The following AP5Z1 variants were observed in gnomAD, a reference collection of about 807,000 sequenced individuals.
The protein encoded by AP5Z1 is adaptor related protein complex 5 subunit zeta 1.
AP5Z1 carries 106 observed loss-of-function variants against 83.0 expected under a neutral mutation model. The ratio of observed to expected loss-of-function variants is 1.28; its 90% confidence interval spans 1.09 to 1.50. The LOEUF (loss-of-function observed/expected upper bound fraction) is 1.50, where lower values mean the gene tolerates loss of function less well. AP5Z1 is among the 40% of genes most tolerant of loss of function. The pLI, the probability that AP5Z1 is intolerant of heterozygous loss-of-function variation, is 0.00. For synonymous variants in AP5Z1, 751 were observed against 514.1 expected (o/e 1.46, Z -6.23); for missense variants, 1,565 against 1,094.2 (o/e 1.43, Z -6.07).
At position 4,793,055 on chromosome 7, in the gene AP5Z1, G is replaced by C. The variant is rs149234202; in HGVS notation, c.*1670G>C. 6.8e-3 allele frequency: 1,044 copies of C among 152,636 alleles called. 8 individuals carry two copies. The highest frequency in any genetic ancestry group is 0.014 in the Middle Eastern group (4 of 296). 9.5% of individuals were successfully genotyped at this position (152,636 alleles called of 1,614,324 possible). A position where few individuals can be genotyped will look rare whatever the true frequency, so the allele number is the denominator to read the frequency against. On this transcript the variant is annotated 3_prime_UTR_variant, in exon 17 of 17. Transcript: ENST00000649063. ...GTGGGGCCACCGCCCAGGCCAGCTG[G>C]TGCTAAGTCCGCAGCCTGTGCAGCA...
Position 4,790,676 on chromosome 7 carries a change from TG to T in AP5Z1, c.1945del (p.Ala649ProfsTer8). ...GAATCTCTGTCCCCGGGCCTAGGTG[TG>T]GGCCATCGGCGAGTACCTGTCGGTG... is the stretch of plus-strand genomic sequence containing the variant. ...SRASLVTSVVWAIGEYLSVTY... is the reference protein window; with the variant it reads ...SRASLVTSVVXAIGEYLSVTY... On this transcript the variant is annotated frameshift_variant, in exon 16 of 17. Transcript: ENST00000649063. LOFTEE classifies it high-confidence loss of function. 1 of 1,612,086 alleles carries T rather than the reference TG, an allele frequency of 6.2e-7. No homozygotes were observed.
At chr7:4,786,152 C>G (rs1463957015) in intron 9 of AP5Z1, 98 bp from the exon 10 acceptor site, 2 of 1,318,998 alleles carry the variant, frequency 1.5e-6, no homozygotes, top group Non-Finnish European at 2.0e-6. Context: ...CCTTGGTGTC[C>G]TGGAGAGCAG....
rs944455611 is a variant in AP5Z1 at position 4,791,564 on chromosome 7, C to T, written c.*179C>T. The T allele has an allele frequency of 5.4e-6, 5 of 934,212 alleles. No homozygotes were observed. The highest frequency in any genetic ancestry group is 5.0e-5 in the African/African-American group (3 of 59,984). 57.9% of individuals were successfully genotyped at this position (934,212 alleles called of 1,614,324 possible). A position where few individuals can be genotyped will look rare whatever the true frequency, so the allele number is the denominator to read the frequency against. On this transcript the variant is annotated 3_prime_UTR_variant, in exon 17 of 17. Transcript: ENST00000649063. Reference sequence around the variant, plus strand: ...CTGGCCCCCCTGCTCACCCTCTGGGCTTTGTCTCCGAGCCTTTTGCTCCCA... The same window carrying T: ...CTGGCCCCCCTGCTCACCCTCTGGGTTTTGTCTCCGAGCCTTTTGCTCCCA...
chr7:4,791,303 G>C lies in AP5Z1; in HGVS notation c.2342G>C (p.Arg781Pro). ...GAGGTGTGCAGCCCCCGCTATCACC[G>C]CGATGCCAACACGGCCCTGCCCCTG... ...STEVCSPRYH[R>P]DANTALPLAL... Residue 781 changes from arginine (R) to proline (P), a missense_variant, in exon 17 of 17, where the codon CGC (arginine) becomes CCC (proline). Coordinates refer to ENST00000649063, the MANE Select transcript of AP5Z1 (RefSeq NM_014855.3). The C allele has an allele frequency of 3.1e-6, 5 of 1,612,288 alleles. No individual in the cohort carries two copies. The highest frequency in any genetic ancestry group is 4.2e-6 in the Non-Finnish European group (5 of 1,179,734).
chr7:4,788,072 C>T (rs962725408), intron 11 of AP5Z1, 82 bp from the exon 12 acceptor site: 25 of 1,448,656 alleles, frequency 1.7e-5, no homozygotes, highest in African/African-American at 1.0e-4. Context: ...ATTAGGGACA[C>T]CTGCCGTGTG....
chr7:4,785,529 TG>T lies in AP5Z1; in HGVS notation c.979del (p.Glu327ArgfsTer24). On this transcript the variant is annotated frameshift_variant, in exon 9 of 17. Transcript: ENST00000649063. LOFTEE classifies it high-confidence loss of function. ...GTGGTCCATGTCCCGCAGTGCCTGG[TG>T]GAGGCCGTGCTGGTGCTGGACGTGC... ...GDSDLQKACL[V>X]EAVLVLDVLC... is the part of the protein sequence containing the mutation. The T allele has an allele frequency of 2.5e-6, 4 of 1,613,166 alleles. No individual in the cohort carries two copies. Among genetic ancestry groups the T allele is most frequent in the Non-Finnish European group, 3.4e-6 (4 of 1,179,710 alleles).
intron 1 of AP5Z1, among the ~76,000 whole-genome samples, chr7:4,780,396 G>A (rs1781347101): frequency 6.8e-6 from 1 of 147,834 alleles, no homozygotes; most frequent in Admixed American, 6.6e-5. Flanking sequence ...GAGGTGGGCA[G>A]ATCATGAGGT....
In AP5Z1 at chr7:4,788,221, G is replaced by C; in HGVS notation, c.1522G>C (p.Ala508Pro). 1.9e-6 allele frequency: 3 copies of C among 1,570,552 alleles called. No individual in the cohort carries two copies. The highest frequency in any genetic ancestry group is 2.6e-6 in the Non-Finnish European group (3 of 1,159,034). Residue 508 changes from alanine to proline, a missense_variant, in exon 12 of 17, where the codon GCC (alanine) becomes CCC (proline). By Grantham distance (27) the Ala-to-Pro change is conservative. Coordinates refer to ENST00000649063, the MANE Select transcript of AP5Z1 (RefSeq NM_014855.3). ...TCTCAGGGCCCCCAGCTGCCTGGAG[G>C]CCTTCCGGGACCCGCAGTTCCAGGG... Reference protein sequence around the residue: ...TSLRAPSCLEAFRDPQFQGLF... With the variant: ...TSLRAPSCLEPFRDPQFQGLF...
rs754042908 is a variant in AP5Z1 at position 4,786,334 on chromosome 7, T to G, written c.1217T>G (p.Leu406Arg). 1 of 1,613,968 alleles carries G rather than the reference T, an allele frequency of 6.2e-7. No individual in the cohort carries two copies. The highest frequency in any genetic ancestry group is 1.7e-5 in the Admixed American group (1 of 60,032). Residue 406 changes from leucine to arginine, a missense_variant, in exon 10 of 17, where the codon CTG becomes CGG. Coordinates refer to ENST00000649063, the MANE Select transcript of AP5Z1 (RefSeq NM_014855.3). ...IPVEQFHSPM[L>R]AFEFIQFCRD... ...GTGGAGCAGTTCCACAGCCCCATGCTGGCCTTTGAATTCATCCAGTTCTGC... is the reference window on the plus strand; with the variant it reads ...GTGGAGCAGTTCCACAGCCCCATGCGGGCCTTTGAATTCATCCAGTTCTGC...
At chr7:4,781,348 C>T in intron 2 of AP5Z1, 36 bp downstream of exon 2, 1 of 1,610,298 alleles carries the variant, frequency 6.2e-7, no homozygotes, top group South Asian at 1.1e-5. Context: ...GCTCCTCACA[C>T]AGCGGCCCCA....
At chr7:4,790,042 C>G in intron 14 of AP5Z1, 113 bp downstream of exon 14, 4 of 1,155,514 alleles carry the variant, frequency 3.5e-6, no homozygotes, top group Non-Finnish European at 3.5e-6. Context: ...TAGCTGGGCC[C>G]TCAGCAGCCT....
At chr7:4,781,083 T>C in intron 1 of AP5Z1, 92 bp from the exon 2 acceptor site, 2 of 1,501,888 alleles carry the variant, frequency 1.3e-6, no homozygotes, top group Non-Finnish European at 9.0e-7. Context: ...TTCTCTTTTC[T>C]AAAGAGGGAT....
chr7:4,788,315 G>C (rs773281263), intron 12 of AP5Z1, 21 bp downstream of exon 12: 1 of 1,558,728 alleles, frequency 6.4e-7, no homozygotes, highest in Non-Finnish European at 8.7e-7. Flanking sequence ...CTAGGGCCAG[G>C]GGGCCACCAG....
At chr7:4,784,067 C>A in intron 5 of AP5Z1, 136 bp from the exon 6 acceptor site, 1 of 1,114,298 alleles carries the variant, frequency 9.0e-7, no homozygotes, top group Non-Finnish European at 1.2e-6. Context: ...GGTGTTTTTG[C>A]ATCACACAGG....
chr7:4,775,649 T>C lies in AP5Z1; in HGVS notation c.-67T>C. ...ACGCGGTCCCGGAAGTTGACCGGGG[T>C]GCGGAGCTCCTGGGCTGCAGCTCCT... On this transcript the variant is annotated 5_prime_UTR_variant, in exon 1 of 17. Transcript: ENST00000649063. 1 of 1,592,796 alleles carries C rather than the reference T, an allele frequency of 6.3e-7. No individual in the cohort carries two copies. Among genetic ancestry groups the C allele is most frequent in the Non-Finnish European group, 8.5e-7 (1 of 1,173,612 alleles).
chr7:4,788,095 G>A (rs1781613347), intron 11 of AP5Z1, 59 bp from the exon 12 acceptor site: 7 of 1,462,232 alleles, frequency 4.8e-6, no homozygotes, highest in Admixed American at 2.6e-5. Context: ...TCCCTGACGG[G>A]GGTGCCCTTG....
At chr7:4,776,226 C>G (rs994976436) in intron 1 of AP5Z1, among the ~76,000 whole-genome samples, 4 of 152,086 alleles carry the variant, frequency 2.6e-5, no homozygotes, top group South Asian at 4.1e-4. Flanking sequence ...TTAAAAAGAT[C>G]TCTCTTGCGC....
rs748842087 is a variant in AP5Z1, at chr7:4,785,515, C to T, written c.970-7C>T. 6.2e-7 allele frequency: 1 copy of T among 1,613,388 alleles called. No individual in the cohort carries two copies. The highest frequency in any genetic ancestry group is 8.5e-7 in the Non-Finnish European group (1 of 1,179,736). On this transcript the variant is annotated splice_polypyrimidine_tract_variant and splice_region_variant and intron_variant, in intron 8 of 16. Coordinates refer to ENST00000649063, the MANE Select transcript of AP5Z1 (RefSeq NM_014855.3). ...TCGGCCCATTTGATGTGGTCCATGTCCCGCAGTGCCTGGTGGAGGCCGTGC... is the reference window on the plus strand; with the variant it reads ...TCGGCCCATTTGATGTGGTCCATGTTCCGCAGTGCCTGGTGGAGGCCGTGC...
chr7:4,785,298 G>A lies in AP5Z1; in HGVS notation c.932-117G>A, dbSNP rs1040368178. 2.8e-6 allele frequency: 4 copies of A among 1,408,790 alleles called. No homozygotes were observed. In the African/African-American group the frequency reaches 4.3e-5, roughly 15 times the overall value. The allele number at this position is 1,408,790 out of a possible 1,614,324, so 87.3% of individuals were successfully genotyped here. A position where few individuals can be genotyped will look rare whatever the true frequency, so the allele number is the denominator to read the frequency against. On this transcript the variant is annotated intron_variant, in intron 7 of 16. Transcript: ENST00000649063. ...CAGTCCCACTCAAGTCCTCCTGGGGGCCTGTCCCACCCCCCTGCTCCCGGT... is the reference window on the plus strand; with the variant it reads ...CAGTCCCACTCAAGTCCTCCTGGGGACCTGTCCCACCCCCCTGCTCCCGGT...
Sources: allele counts gnomAD v4.1 joint callset (sites outside exome capture counted in the v4.1 genomes callset), GRCh38; gene constraint gnomAD v4.1.1; transcripts MANE v1.5; gene names NCBI Gene and HGNC (gene_info 2026-07-23, HGNC 2026-07-21).